Variants in GLDC observed in about 807,000 individuals in gnomAD.
GLDC encodes glycine dehydrogenase (decarboxylating), mitochondrial.
Under a neutral mutation model 121.3 loss-of-function variants are expected in GLDC, and 104 were observed. That is an observed-to-expected ratio of 0.86 (90% CI 0.73 to 1.01). The LOEUF (loss-of-function observed/expected upper bound fraction) is 1.01, where lower values mean the gene tolerates loss of function less well. GLDC is among the 50% of genes least tolerant of loss of function. The pLI is 0.00. For missense variants in GLDC, 1,429 were observed against 1,306.6 expected, an observed-to-expected ratio of 1.09 and a Z score of -1.44; for synonymous variants, 546 against 480.6, an observed-to-expected ratio of 1.14 and a Z score of -1.78.
At chr9:6,586,221 G>A (rs930462761) in intron 15 of GLDC, among the ~76,000 whole-genome samples, 3 of 152,090 alleles carry the variant, frequency 2.0e-5, no homozygotes, top group Admixed American at 6.5e-5. Flanking sequence ...CTTGAATGCA[G>A]GAGGCAGAGG....
chr9:6,588,372 G>T, intron 14 of GLDC, 29 bp downstream of exon 14: 8 of 1,539,896 alleles, frequency 5.2e-6, no homozygotes, highest in Non-Finnish European at 7.2e-6. Context: ...CCCTTGCTGA[G>T]TATCCACTTA....
At position 6,592,243 on chromosome 9, in the gene GLDC, A is replaced by G; in HGVS notation, c.1402-20T>C. On this transcript the variant is annotated intron_variant, in intron 10 of 24. Coordinates refer to ENST00000321612, the MANE Select transcript of GLDC (RefSeq NM_000170.3). ...ACCAAGCTACAGAAACACAAACAAA[A>G]TGGAAAACATCAACTCTAAACTCCA... The G allele has an allele frequency of 6.9e-7, 1 of 1,446,976 alleles. No individual in the cohort carries two copies. The highest frequency in any genetic ancestry group is 9.7e-7 in the Non-Finnish European group (1 of 1,028,690). The allele number at this position is 1,446,976 out of a possible 1,614,324, so 89.6% of individuals were successfully genotyped here. A position where few individuals can be genotyped will look rare whatever the true frequency, so the allele number is the denominator to read the frequency against.
chr9:6,576,368 C>G lies in GLDC; in HGVS notation c.1850+10773G>C, dbSNP rs76940592. 1.1e-3 allele frequency among the ~76,000 whole-genome samples: 164 copies of G among 152,324 alleles called. No individual in the cohort carries two copies. The East Asian group carries it at 0.019, about 18-fold the overall frequency. ...TGGGGTCTTTCTTAAAATAATGGCA[C>G]TAATCCCATTCAGGATTGTACAACC... is the stretch of plus-strand genomic sequence containing the variant. On this transcript the variant is annotated intron_variant, in intron 15 of 24. Transcript: ENST00000321612.
chr9:6,533,729 A>G (rs1817049673), intron 24 of GLDC, among the ~76,000 whole-genome samples: 1 of 151,858 alleles, frequency 6.6e-6, no homozygotes, highest in Non-Finnish European at 1.5e-5. Flanking sequence ...ATGGTGGCAC[A>G]TGCCTGTAAT....
intron 15 of GLDC, among the ~76,000 whole-genome samples, chr9:6,585,896 TGTCCATCG>T (rs35262449): frequency 0.32 from 30,024 of 92,888 alleles, 3,240 homozygotes; most frequent in Admixed American, 0.38. Context: ...ATCTATCATC[TGTCCATCG>T]GTCCATCTGT....
At chr9:6,620,557 TC>T (rs1819071604) in intron 2 of GLDC, among the ~76,000 whole-genome samples, 1 of 152,106 alleles carries the variant, frequency 6.6e-6, no homozygotes, top group African/African-American at 2.4e-5. Flanking sequence ...TTTTGACTGT[TC>T]CTTATTCGGT....
chr9:6,545,901 A>C (rs1212018037), intron 21 of GLDC, among the ~76,000 whole-genome samples: 2 of 152,156 alleles, frequency 1.3e-5, no homozygotes, highest in African/African-American at 2.4e-5. Context: ...TCAGCCTTCC[A>C]AAGTGCTGGG....
chr9:6,614,977 C>CTA, intron 3 of GLDC, among the ~76,000 whole-genome samples: 1 of 152,282 alleles, frequency 6.6e-6, no homozygotes, highest in Non-Finnish European at 1.5e-5. Context: ...TACAGAATTA[C>CTA]AATTTTATGA....
intron 9 of GLDC, among the ~76,000 whole-genome samples, chr9:6,593,694 T>C (rs76398788): frequency 6.7e-6 from 1 of 150,048 alleles, no homozygotes; most frequent in African/African-American, 2.4e-5. Flanking sequence ...TTAATCACTT[T>C]TTTTTTTTTT....
At chr9:6,577,466 T>A (rs1818088513) in intron 15 of GLDC, among the ~76,000 whole-genome samples, 1 of 152,196 alleles carries the variant, frequency 6.6e-6, no homozygotes, top group Admixed American at 6.5e-5. Flanking sequence ...GAGAACCAGG[T>A]GCAAATGAGC....
At chr9:6,631,268 G>C (rs926351477) in intron 2 of GLDC, among the ~76,000 whole-genome samples, 1 of 152,098 alleles carries the variant, frequency 6.6e-6, no homozygotes, top group Non-Finnish European at 1.5e-5. Flanking sequence ...CACTCAAAAG[G>C]AGCTGAGGCG....
At position 6,554,607 on chromosome 9, in the gene GLDC, T is replaced by C. The variant is rs1183915608; in HGVS notation, c.2315+62A>G. On this transcript the variant is annotated intron_variant, in intron 19 of 24. Coordinates refer to ENST00000321612, the MANE Select transcript of GLDC (RefSeq NM_000170.3). ...AGACTTTGATGGGATGAGTAGTCTA[T>C]TTAGGGCCACTCCTTCATTCTGTCT... is the stretch of plus-strand genomic sequence containing the variant. The C allele has an allele frequency of 7.1e-6, 8 of 1,119,652 alleles. 1 individual carries two copies. Among genetic ancestry groups the C allele is most frequent in the African/African-American group, 3.1e-5 (2 of 65,116 alleles). The allele number at this position is 1,119,652 out of a possible 1,614,324, so 69.4% of individuals were successfully genotyped here.
At chr9:6,604,880 G>C in intron 6 of GLDC, 96 bp from the exon 7 acceptor site, 1 of 1,062,812 alleles carries the variant, frequency 9.4e-7, no homozygotes, top group Non-Finnish European at 1.5e-6. Flanking sequence ...AAGACGGGCA[G>C]AGTGTGTTCA....
rs1446335081 is a variant in GLDC at position 6,645,578 on chromosome 9, G to C, written c.-79C>G. 9.2e-7 allele frequency: 1 copy of C among 1,088,878 alleles called. No individual in the cohort carries two copies. The highest frequency in any genetic ancestry group is 1.2e-6 in the Non-Finnish European group (1 of 858,322). 67.5% of individuals were successfully genotyped at this position (1,088,878 alleles called of 1,614,324 possible). On this transcript the variant is annotated 5_prime_UTR_variant, in exon 1 of 25. Coordinates refer to ENST00000321612, the MANE Select transcript of GLDC (RefSeq NM_000170.3). The stretch of plus-strand genomic sequence containing the variant: ...CCCCTCTCCTGGCCTCGGTCCCCCG[G>C]GTGGCGGCTGCGCCCGGCCTGGAGC...
intron 2 of GLDC, among the ~76,000 whole-genome samples, chr9:6,628,402 T>A (rs542833951): frequency 6.6e-6 from 1 of 152,308 alleles, no homozygotes; most frequent in Admixed American, 6.5e-5. Flanking sequence ...AAAACCAGCT[T>A]GCTCCTGTGC....
intron 15 of GLDC, among the ~76,000 whole-genome samples, chr9:6,584,482 G>A (rs760615454): frequency 1.3e-5 from 2 of 152,128 alleles, no homozygotes; most frequent in Non-Finnish European, 2.9e-5. Flanking sequence ...TATAAGACAA[G>A]AAATGTGTCA....
intron 21 of GLDC, among the ~76,000 whole-genome samples, chr9:6,550,462 A>G (rs1356802809): frequency 1.3e-5 from 2 of 152,082 alleles, no homozygotes; most frequent in Non-Finnish European, 2.9e-5. Flanking sequence ...CCCTGTCTCT[A>G]CTAAAAATAT....
At chr9:6,549,251 G>T (rs1817459036) in intron 21 of GLDC, among the ~76,000 whole-genome samples, 1 of 152,182 alleles carries the variant, frequency 6.6e-6, no homozygotes, top group East Asian at 1.9e-4. Flanking sequence ...TCTGTTGACT[G>T]CCAGAGAAAC....
At chr9:6,597,853 G>A (rs974459393) in intron 8 of GLDC, among the ~76,000 whole-genome samples, 4 of 152,100 alleles carry the variant, frequency 2.6e-5, no homozygotes, top group Non-Finnish European at 4.4e-5. Context: ...GGAGAATGGC[G>A]TGAACCCGGG....
Sources: allele counts gnomAD v4.1 joint callset (sites outside exome capture counted in the v4.1 genomes callset), GRCh38; gene constraint gnomAD v4.1.1; transcripts MANE v1.5; gene names NCBI Gene and HGNC (gene_info 2026-07-23, HGNC 2026-07-21).